SMOC2: variants seen among roughly 807,000 people sequenced by gnomAD.
SMOC2 encodes the protein SPARC related modular calcium binding 2.
SMOC2 carries 39 observed loss-of-function variants against 61.4 expected under a neutral mutation model. The ratio of observed to expected loss-of-function variants is 0.64; its 90% CI spans 0.49 to 0.83. The LOEUF is 0.83. Ranked by LOEUF, SMOC2 falls within the 40% of genes least tolerant of loss-of-function variation. SMOC2 has a pLI of 0.00. For missense variants in SMOC2, 556 were observed against 592.9 expected, an observed-to-expected ratio of 0.94 and a Z score of 0.65; for synonymous variants, 247 against 239.9, an observed-to-expected ratio of 1.03 and a Z score of -0.27.
At chr6:168,484,508 A>G (rs1782285198) in intron 1 of SMOC2, among the ~76,000 whole-genome samples, 1 of 152,334 alleles carries the variant, frequency 6.6e-6, no homozygotes, top group South Asian at 2.1e-4. Context: ...ATACAATGGT[A>G]AAGCTGCTGT....
chr6:168,643,320 C>T (rs1268335605), intron 9 of SMOC2, among the ~76,000 whole-genome samples: 2 of 152,186 alleles, frequency 1.3e-5, no homozygotes, highest in Non-Finnish European at 2.9e-5. Flanking sequence ...ATAAGGTCCA[C>T]ACTTGTTTCT....
At position 168,535,119 on chromosome 6, in the gene SMOC2, C is replaced by T. The variant is rs1282494149; in HGVS notation, c.463+7392C>T. Among the ~76,000 whole-genome samples the T allele has an allele frequency of 2.6e-5, 4 of 151,790 alleles. No individual in the cohort carries two copies. Among genetic ancestry groups the T allele is most frequent in the African/African-American group, 7.3e-5 (3 of 41,318 alleles). The stretch of plus-strand genomic sequence containing the variant: ...CGGAGTAGCTGGGACTACAGGCACC[C>T]GCCACCACGCCCAGCTAATGTTTTG... On this transcript the variant is annotated intron_variant, in intron 4 of 12. Transcript: ENST00000356284. This position sits in a 1 kb window ranked among gnomAD's most constrained non-coding sequence, Gnocchi z 4.6.
intron 2 of SMOC2, 128 bp from the exon 3 acceptor site, chr6:168,526,218 G>A: frequency 1.3e-6 from 1 of 756,328 alleles, no homozygotes; most frequent in South Asian, 1.7e-5. Context: ...TGCCTGTGAA[G>A]CCCTTTCCAG....
At chr6:168,500,462 G>A (rs1038475281) in intron 1 of SMOC2, among the ~76,000 whole-genome samples, 7 of 152,102 alleles carry the variant, frequency 4.6e-5, no homozygotes, top group Non-Finnish European at 8.8e-5. Flanking sequence ...CAGCATTCAC[G>A]CGTGGAACCT....
chr6:168,656,944 C>G (rs138587991), intron 11 of SMOC2, among the ~76,000 whole-genome samples: 2 of 152,192 alleles, frequency 1.3e-5, no homozygotes, highest in African/African-American at 4.8e-5. Flanking sequence ...TGTGCTGGCC[C>G]GGCCATCCGA....
chr6:168,608,323 C>A, intron 9 of SMOC2, 84 bp downstream of exon 9: 1 of 1,424,690 alleles, frequency 7.0e-7, no homozygotes, highest in Non-Finnish European at 9.6e-7. Context: ...AAGACTTTAT[C>A]TGACTCTGTT....
At chr6:168,514,878 G>A (rs1232641080) in intron 2 of SMOC2, among the ~76,000 whole-genome samples, 1 of 152,150 alleles carries the variant, frequency 6.6e-6, no homozygotes, top group African/African-American at 2.4e-5. Flanking sequence ...AAGGAGGGAG[G>A]ATGGTTGGTC....
At chr6:168,493,185 C>G (rs183795658) in intron 1 of SMOC2, among the ~76,000 whole-genome samples, 2 of 152,004 alleles carry the variant, frequency 1.3e-5, no homozygotes, top group Admixed American at 1.3e-4. Flanking sequence ...TACAGGTACA[C>G]GCCACTACGC....
intron 9 of SMOC2, among the ~76,000 whole-genome samples, chr6:168,650,352 C>T (rs1390089134): frequency 2.6e-5 from 4 of 152,128 alleles, no homozygotes; most frequent in African/African-American, 7.2e-5. Flanking sequence ...CCGTATGTCC[C>T]GTGTCCCTAA....
At chr6:168,564,144 C>T (rs1354828106) in intron 7 of SMOC2, among the ~76,000 whole-genome samples, 2 of 152,130 alleles carry the variant, frequency 1.3e-5, no homozygotes, top group East Asian at 1.9e-4. Context: ...GTGTATAAGA[C>T]AAAACACGAA....
intron 1 of SMOC2, among the ~76,000 whole-genome samples, chr6:168,500,702 A>AC (rs953842742): frequency 6.6e-6 from 1 of 151,324 alleles, no homozygotes; most frequent in African/African-American, 2.4e-5. Context: ...AAGCTTCTCT[A>AC]CCCCCCGAGG....
intron 12 of SMOC2, among the ~76,000 whole-genome samples, chr6:168,665,668 A>G (rs1054575787): frequency 6.6e-6 from 1 of 152,238 alleles, no homozygotes; most frequent in South Asian, 2.1e-4. Flanking sequence ...CCATCTTTTG[A>G]GACTGTTAGA....
At chr6:168,558,619 A>T (rs988431386) in intron 7 of SMOC2, among the ~76,000 whole-genome samples, 2 of 152,198 alleles carry the variant, frequency 1.3e-5, no homozygotes, top group Non-Finnish European at 2.9e-5. Context: ...CCCAGAGCTC[A>T]GTCTGGTTGG....
chr6:168,573,400 C>T (rs1237742733), intron 7 of SMOC2, among the ~76,000 whole-genome samples: 19 of 145,342 alleles, frequency 1.3e-4, no homozygotes, highest in East Asian at 4.2e-4. Flanking sequence ...GGTCCCTGAA[C>T]GCGATGTTCA....
chr6:168,509,982 C>T lies in SMOC2; in HGVS notation c.152C>T (p.Pro51Leu), dbSNP rs1782967928. The T allele has an allele frequency of 6.2e-7, 1 of 1,614,056 alleles. No homozygotes were observed. The highest frequency in any genetic ancestry group is 1.3e-5 in the African/African-American group (1 of 74,916). ...GACTGTGCGGGTTCGCCCCAGAAAC[C>T]TCTCTGCGCATCTGACGGAAGGACC... ...SLDCAGSPQK[P>L]LCASDGRTFL... The change falls in exon 2 of 13, where the codon CCT becomes CTT. Residue 51 changes from proline (P) to leucine (L), a missense_variant. By Grantham distance (98) the Pro-to-Leu change is moderately conservative. Transcript: ENST00000356284.
chr6:168,618,100 G>T (rs968183904), intron 9 of SMOC2, among the ~76,000 whole-genome samples: 2 of 152,256 alleles, frequency 1.3e-5, no homozygotes, highest in Non-Finnish European at 2.9e-5. Flanking sequence ...CTGCCTGCAT[G>T]GGAGTGGCCT....
chr6:168,545,441 T>C (rs938481313), intron 5 of SMOC2, among the ~76,000 whole-genome samples: 2 of 152,188 alleles, frequency 1.3e-5, no homozygotes, highest in Admixed American at 1.3e-4. Flanking sequence ...AATGCACAGC[T>C]CTTCGAGATT....
chr6:168,608,355 C>T, intron 9 of SMOC2, 116 bp downstream of exon 9: 1 of 1,143,240 alleles, frequency 8.7e-7, no homozygotes, highest in Non-Finnish European at 1.3e-6. Context: ...CTGTCTGACT[C>T]TGAGGCCTCC....
intron 1 of SMOC2, among the ~76,000 whole-genome samples, chr6:168,458,579 GC>G (rs1488581371): frequency 6.6e-6 from 1 of 152,136 alleles, no homozygotes; most frequent in Non-Finnish European, 1.5e-5. Context: ...AACACCCTTT[GC>G]CTTCATTGCT....
Sources: gnomAD v4.1 joint callset for allele counts (sites outside exome capture counted in the v4.1 genomes callset) on GRCh38, gnomAD v4.1.1 for gene constraint, Gnocchi (gnomAD v3.1) non-coding constraint, MANE v1.5 for transcripts, NCBI Gene and HGNC (gene_info 2026-07-23, HGNC 2026-07-21) for gene names.